The following ST6GALNAC5 variants were observed in gnomAD, a reference collection of about 807,000 sequenced individuals.
ST6GALNAC5 encodes ST6 N-acetylgalactosaminide alpha-2,6-sialyltransferase 5.
ST6GALNAC5 carries 27 observed loss-of-function variants against 33.6 expected under a neutral mutation model. The observed-to-expected ratio is 0.80, with a 90% CI of 0.59 to 1.11. The LOEUF (loss-of-function observed/expected upper bound fraction) is 1.11. Among genes scored for constraint, ST6GALNAC5 ranks in the 50% least tolerant of loss-of-function variants. The pLI, the probability that ST6GALNAC5 is intolerant of heterozygous loss-of-function variation, is 0.00. For missense variants in ST6GALNAC5, 428 were observed against 454.0 expected (o/e 0.94, Z 0.52); for synonymous variants, 194 against 171.2 (o/e 1.13, Z -1.04).
In ST6GALNAC5 at chr1:77,067,269, C is replaced by G. The variant is rs1236131683; in HGVS notation, c.*4063C>G. Among the ~76,000 whole-genome samples the G allele has an allele frequency of 6.6e-6, 1 of 152,164 alleles. No homozygotes were observed. Among genetic ancestry groups the G allele is most frequent in the African/African-American group, 2.4e-5 (1 of 41,428 alleles). ...AGGTTTAAAAATGAGCAAGTGTAGCCCCTCTTTTGTAGCTCACTCATCCCA... is the reference window on the plus strand; with the variant it reads ...AGGTTTAAAAATGAGCAAGTGTAGCGCCTCTTTTGTAGCTCACTCATCCCA... On this transcript the variant is annotated 3_prime_UTR_variant, in exon 5 of 5. Transcript: ENST00000477717.
chr1:76,913,833 T>A (rs1014485568), intron 2 of ST6GALNAC5, among the ~76,000 whole-genome samples: 3 of 152,114 alleles, frequency 2.0e-5, no homozygotes, highest in African/African-American at 7.2e-5. Flanking sequence ...GTGTTGGAAG[T>A]TCTGGCCAGG....
At chr1:76,925,213 G>A (rs561131977) in intron 2 of ST6GALNAC5, among the ~76,000 whole-genome samples, 1 of 152,102 alleles carries the variant, frequency 6.6e-6, no homozygotes, top group South Asian at 2.1e-4. Context: ...ACTCATGAGG[G>A]ATCTGCCCCC....
intron 2 of ST6GALNAC5, among the ~76,000 whole-genome samples, chr1:77,005,253 T>C (rs182678704): frequency 7.0e-4 from 107 of 152,344 alleles, no homozygotes; most frequent in Middle Eastern, 3.4e-3. Flanking sequence ...GACCCGATTT[T>C]CCAGGTGCGT....
chr1:76,928,721 G>A (rs1647108867), intron 2 of ST6GALNAC5, among the ~76,000 whole-genome samples: 1 of 152,090 alleles, frequency 6.6e-6, no homozygotes, highest in African/African-American at 2.4e-5. Flanking sequence ...TTTAGAATGT[G>A]GCTTCTTGCC....
chr1:76,955,997 G>C (rs1371798925), intron 2 of ST6GALNAC5, among the ~76,000 whole-genome samples: 1 of 152,088 alleles, frequency 6.6e-6, no homozygotes, highest in Non-Finnish European at 1.5e-5. Context: ...AGGAGTAAGA[G>C]GTACATGGTT....
chr1:76,951,694 A>G (rs945733300), intron 2 of ST6GALNAC5, among the ~76,000 whole-genome samples: 6 of 152,180 alleles, frequency 3.9e-5, no homozygotes, highest in Non-Finnish European at 7.4e-5. Flanking sequence ...TGTGTGTTTA[A>G]GCTTATTATT....
chr1:76,999,987 G>A (rs866573624), intron 2 of ST6GALNAC5, among the ~76,000 whole-genome samples: 8 of 102,426 alleles, frequency 7.8e-5, no homozygotes, highest in Non-Finnish European at 1.1e-4. Context: ...ATGATTTATA[G>A]TCCTTTGGGT....
rs1650803512 is a variant in ST6GALNAC5, at chr1:77,015,648, A to G, written c.262-28556A>G. ...GACAGAGCTGAAGCGGTTGAAGTGG[A>G]AGTGCTTTGGGGGTTCAGAGGAGGG... On this transcript the variant is annotated intron_variant, in intron 2 of 4. Transcript: ENST00000477717. Among the ~76,000 whole-genome samples, 4 of 152,086 alleles carry G rather than the reference A, an allele frequency of 2.6e-5. No homozygotes were observed. In the South Asian group the frequency reaches 8.3e-4, roughly 32 times the overall value.
chr1:77,020,846 G>A (rs1651024947), intron 2 of ST6GALNAC5, among the ~76,000 whole-genome samples: 1 of 152,218 alleles, frequency 6.6e-6, no homozygotes, highest in Admixed American at 6.5e-5. Flanking sequence ...TTACACCTCT[G>A]GGGGCTGATG....
Position 76,868,148 on chromosome 1 carries a change from C to T in ST6GALNAC5, c.16-349C>T, listed in dbSNP as rs1653392997. Among the ~76,000 whole-genome samples the T allele has an allele frequency of 6.6e-6, 1 of 152,180 alleles. No homozygotes were observed. The highest frequency in any genetic ancestry group is 1.5e-5 in the Non-Finnish European group (1 of 68,024). On this transcript the variant is annotated intron_variant, in intron 1 of 4. Coordinates refer to ENST00000477717, the MANE Select transcript of ST6GALNAC5 (RefSeq NM_030965.3). This position sits in a 1 kb window ranked among gnomAD's most constrained non-coding sequence, Gnocchi z 4.3. ...GGGTGTGAAGGACTCAAAATTCCAG[C>T]AGCTTGGCTGGGGTGGCTGCGCCAG... is the stretch of plus-strand genomic sequence containing the variant.
chr1:76,957,518 T>C (rs751184669), intron 2 of ST6GALNAC5, among the ~76,000 whole-genome samples: 1 of 152,200 alleles, frequency 6.6e-6, no homozygotes, highest in African/African-American at 2.4e-5. Context: ...TTTTGGTGGA[T>C]ATTATTTAGC....
At chr1:76,934,779 A>T (rs1647182004) in intron 2 of ST6GALNAC5, among the ~76,000 whole-genome samples, 1 of 152,052 alleles carries the variant, frequency 6.6e-6, no homozygotes, top group African/African-American at 2.4e-5. Context: ...GTGCTTCTGA[A>T]GCAATCCTAG....
At chr1:76,950,809 T>C (rs1327248509) in intron 2 of ST6GALNAC5, among the ~76,000 whole-genome samples, 2 of 152,174 alleles carry the variant, frequency 1.3e-5, no homozygotes, top group African/African-American at 2.4e-5. Context: ...CAAAAATATC[T>C]GCATGAAGCC....
chr1:76,875,927 C>T (rs1424525084), intron 2 of ST6GALNAC5, among the ~76,000 whole-genome samples: 5 of 152,174 alleles, frequency 3.3e-5, no homozygotes, highest in Non-Finnish European at 7.3e-5. Flanking sequence ...TGATGGGGAA[C>T]ATGGTAAGAC....
intron 2 of ST6GALNAC5, among the ~76,000 whole-genome samples, chr1:76,938,649 G>A (rs1647252912): frequency 6.6e-6 from 1 of 152,068 alleles, no homozygotes; most frequent in African/African-American, 2.4e-5. Flanking sequence ...AATGCTCCGT[G>A]TGGTTCATTT....
chr1:76,916,439 G>C (rs781452446), intron 2 of ST6GALNAC5, among the ~76,000 whole-genome samples: 13 of 152,122 alleles, frequency 8.5e-5, no homozygotes, highest in Non-Finnish European at 1.9e-4. Context: ...TTAGGGACTG[G>C]AACTGAAAAC....
intron 2 of ST6GALNAC5, among the ~76,000 whole-genome samples, chr1:77,043,537 A>G (rs1213467384): frequency 6.6e-6 from 1 of 152,210 alleles, no homozygotes; most frequent in Non-Finnish European, 1.5e-5. Context: ...TCTCTCCCTC[A>G]TCCGTTAAAA....
chr1:77,017,454 G>T (rs759864954), intron 2 of ST6GALNAC5, among the ~76,000 whole-genome samples: 15 of 152,166 alleles, frequency 9.9e-5, no homozygotes, highest in Non-Finnish European at 1.8e-4. Context: ...ATGGGTGAGG[G>T]TCAAGGGCAC....
At chr1:77,012,745 T>C (rs952091471) in intron 2 of ST6GALNAC5, among the ~76,000 whole-genome samples, 1 of 152,178 alleles carries the variant, frequency 6.6e-6, no homozygotes. Flanking sequence ...TTGGATTAAT[T>C]TATTCATTCA....
Sources: allele counts gnomAD v4.1 joint callset (sites outside exome capture counted in the v4.1 genomes callset), GRCh38; gene constraint gnomAD v4.1.1; non-coding constraint Gnocchi (gnomAD v3.1); transcripts MANE v1.5; gene names NCBI Gene and HGNC (gene_info 2026-07-23, HGNC 2026-07-21).